The following NRG3 variants were observed in gnomAD, a reference collection of about 807,000 sequenced individuals.
NRG3 encodes neuregulin 3.
In NRG3, 31 loss-of-function variants were observed where a neutral mutation model predicts 66.9. That is an observed-to-expected ratio of 0.46 (90% confidence interval 0.35 to 0.63). NRG3 has a LOEUF of 0.63. Ranked by LOEUF, NRG3 falls within the 20% of genes least tolerant of loss-of-function variation. The pLI is 0.00. For missense variants in NRG3, 910 were observed against 878.9 expected (o/e 1.04, Z -0.45); for synonymous variants, 393 against 359.4 (o/e 1.09, Z -1.06).
intron 1 of NRG3, among the ~76,000 whole-genome samples, chr10:82,210,207 T>A (rs548427444): frequency 6.6e-6 from 1 of 152,284 alleles, no homozygotes; most frequent in Admixed American, 6.5e-5. Context: ...ACAGAGTTAA[T>A]ATTACCTTTA....
intron 3 of NRG3, among the ~76,000 whole-genome samples, chr10:82,809,874 A>G (rs1484010703): frequency 6.9e-6 from 1 of 145,780 alleles, no homozygotes; most frequent in Non-Finnish European, 1.6e-5. Context: ...AAACTTCATT[A>G]TTTTTTTTAA....
chr10:82,814,204 TCC>T (rs2061612227), intron 3 of NRG3, among the ~76,000 whole-genome samples: 1 of 152,212 alleles, frequency 6.6e-6, no homozygotes, highest in Non-Finnish European at 1.5e-5. Flanking sequence ...CATGTAGCTT[TCC>T]AAACAGGTCT....
rs141459084 is a variant in NRG3 at position 82,789,827 on chromosome 10, T to G, written c.1027+51177T>G. 6.9e-3 allele frequency among the ~76,000 whole-genome samples: 1,045 copies of G among 152,230 alleles called. 13 individuals carry two copies. Among genetic ancestry groups the G allele is most frequent in the African/African-American group, 0.024 (1,007 of 41,578 alleles). ...TAAAATACCATTTTAATTCCCTTTTTTTTTTAACGATGTAATTTTAAATTT... is the reference window on the plus strand; with the variant it reads ...TAAAATACCATTTTAATTCCCTTTTGTTTTTAACGATGTAATTTTAAATTT... On this transcript the variant is annotated intron_variant, in intron 3 of 8. Transcript: ENST00000372141.
intron 1 of NRG3, among the ~76,000 whole-genome samples, chr10:82,334,187 G>C (rs903161635): frequency 6.6e-6 from 1 of 151,880 alleles, no homozygotes; most frequent in Non-Finnish European, 1.5e-5. Context: ...TTTCAATCTG[G>C]TGAGTGCAAG....
intron 4 of NRG3, among the ~76,000 whole-genome samples, chr10:82,947,857 C>T (rs1849160994): frequency 6.6e-6 from 1 of 152,002 alleles, no homozygotes; most frequent in Non-Finnish European, 1.5e-5. Flanking sequence ...TTTTTTCAGA[C>T]TGTATCTTGC....
chr10:82,609,454 T>C (rs1382645162), intron 2 of NRG3, among the ~76,000 whole-genome samples: 1 of 152,084 alleles, frequency 6.6e-6, no homozygotes, highest in African/African-American at 2.4e-5. Context: ...CAGAGGAAAA[T>C]CTCACCTTTT....
intron 2 of NRG3, among the ~76,000 whole-genome samples, chr10:82,383,383 C>A (rs1305861110): frequency 2.0e-5 from 3 of 151,256 alleles, no homozygotes; most frequent in Non-Finnish European, 3.0e-5. Flanking sequence ...GAATTCATAC[C>A]TAAATTTATT....
At chr10:82,125,970 G>A (rs2068425172) in intron 1 of NRG3, among the ~76,000 whole-genome samples, 1 of 152,094 alleles carries the variant, frequency 6.6e-6, no homozygotes, top group African/African-American at 2.4e-5. Context: ...TAGGGAGAAA[G>A]ACAAGGTGAA....
intron 6 of NRG3, among the ~76,000 whole-genome samples, 189 bp from the exon 7 acceptor site, chr10:82,973,599 G>T (rs1267501653): frequency 6.6e-6 from 1 of 152,168 alleles, no homozygotes; most frequent in Non-Finnish European, 1.5e-5. Flanking sequence ...CACAGAGATG[G>T]TTGGGGCAGG....
intron 2 of NRG3, among the ~76,000 whole-genome samples, chr10:82,457,964 A>G (rs991435010): frequency 5.3e-5 from 8 of 152,196 alleles, no homozygotes; most frequent in Admixed American, 1.3e-4. Flanking sequence ...CAAAAAGAGC[A>G]TGTAATTTGG....
At chr10:82,727,328 GAA>G (rs35369132) in intron 2 of NRG3, among the ~76,000 whole-genome samples, 103,627 of 151,722 alleles carry the variant, frequency 0.68, 35,835 homozygotes, top group East Asian at 0.84. Context: ...AGGCCTAGGA[GAA>G]AAAAAAATGG....
chr10:82,695,766 AT>A (rs1488301018), intron 2 of NRG3, among the ~76,000 whole-genome samples: 2 of 151,942 alleles, frequency 1.3e-5, no homozygotes, highest in Non-Finnish European at 2.9e-5. Context: ...TCTAAGGTAA[AT>A]TTTTTCTGAC....
chr10:82,770,230 A>G, intron 3 of NRG3, among the ~76,000 whole-genome samples: 1 of 152,196 alleles, frequency 6.6e-6, no homozygotes, highest in East Asian at 1.9e-4. Flanking sequence ...TGAAAGGCTT[A>G]CATTTTAATG....
At chr10:82,714,720 G>C (rs55892591) in intron 2 of NRG3, among the ~76,000 whole-genome samples, 1,918 of 152,248 alleles carry the variant, frequency 0.013, 34 homozygotes, top group African/African-American at 0.043. Context: ...TGGTATATCA[G>C]AGGAAATATT....
chr10:82,799,468 G>A (rs2060940281), intron 3 of NRG3, among the ~76,000 whole-genome samples: 1 of 150,882 alleles, frequency 6.6e-6, no homozygotes, highest in Non-Finnish European at 1.5e-5. Context: ...AGAGGTTGCA[G>A]TGAGGTGAGA....
At chr10:82,932,291 T>C (rs560467328) in intron 4 of NRG3, among the ~76,000 whole-genome samples, 1 of 152,360 alleles carries the variant, frequency 6.6e-6, no homozygotes, top group African/African-American at 2.4e-5. Context: ...CCTTCATTAA[T>C]GTCTCTAACA....
intron 2 of NRG3, among the ~76,000 whole-genome samples, chr10:82,495,042 G>A (rs934596758): frequency 6.6e-6 from 1 of 151,828 alleles, no homozygotes; most frequent in African/African-American, 2.4e-5. Flanking sequence ...CCGGGTTCAA[G>A]CAATTCTCCT....
At chr10:81,969,251 T>C (rs1184079171) in intron 1 of NRG3, among the ~76,000 whole-genome samples, 1 of 152,064 alleles carries the variant, frequency 6.6e-6, no homozygotes, top group Non-Finnish European at 1.5e-5. Context: ...TTTGGAGGCC[T>C]GAAACATAGA....
At chr10:82,518,540 G>C (rs1437353324) in intron 2 of NRG3, among the ~76,000 whole-genome samples, 1 of 152,136 alleles carries the variant, frequency 6.6e-6, no homozygotes, top group Non-Finnish European at 1.5e-5. Flanking sequence ...TGTTTAGAAT[G>C]ATAAACATTA....
Sources: gnomAD v4.1 joint callset for allele counts (sites outside exome capture counted in the v4.1 genomes callset) on GRCh38, gnomAD v4.1.1 for gene constraint, MANE v1.5 for transcripts, NCBI Gene and HGNC (gene_info 2026-07-23, HGNC 2026-07-21) for gene names.